SLC20A2: variants seen among roughly 807,000 people sequenced by gnomAD.
SLC20A2 encodes sodium-dependent phosphate transporter 2.
In SLC20A2, 30 loss-of-function variants were observed where a neutral mutation model predicts 61.0. That is an observed-to-expected ratio of 0.49 (90% CI 0.37 to 0.67). The LOEUF is 0.67. SLC20A2 is among the 30% of genes least tolerant of loss of function. The pLI, the probability that SLC20A2 is intolerant of heterozygous loss-of-function variation, is 0.00. For synonymous variants in SLC20A2, 351 were observed against 353.3 expected, an observed-to-expected ratio of 0.99 and a Z score of 0.07; for missense variants, 626 against 866.4, an observed-to-expected ratio of 0.72 and a Z score of 3.48.
At chr8:42,530,249 G>A (rs1409473402) in intron 1 of SLC20A2, among the ~76,000 whole-genome samples, 1 of 152,072 alleles carries the variant, frequency 6.6e-6, no homozygotes, top group African/African-American at 2.4e-5. Context: ...TCAAATCACT[G>A]TGCCATATTT....
At chr8:42,461,150 GTGGGAGTGTCACA>G (rs1806664085) in intron 4 of SLC20A2, among the ~76,000 whole-genome samples, 1 of 152,174 alleles carries the variant, frequency 6.6e-6, no homozygotes, top group South Asian at 2.1e-4. Flanking sequence ...AGACTCAAGT[GTGGGAGTGTCACA>G]CCAGACCAGG....
chr8:42,445,129 C>CA (rs1805110130), intron 5 of SLC20A2, among the ~76,000 whole-genome samples: 1 of 149,742 alleles, frequency 6.7e-6, no homozygotes, highest in Admixed American at 6.7e-5. Flanking sequence ...CCATCTCTAC[C>CA]AAAAATTCAA....
chr8:42,423,145 C>T (rs946488466), intron 10 of SLC20A2, among the ~76,000 whole-genome samples: 1 of 152,094 alleles, frequency 6.6e-6, no homozygotes, highest in African/African-American at 2.4e-5. Context: ...CACAGACACA[C>T]ACATTTGGTT....
chr8:42,510,952 G>C (rs1055795476), intron 1 of SLC20A2, among the ~76,000 whole-genome samples: 1 of 151,926 alleles, frequency 6.6e-6, no homozygotes, highest in East Asian at 1.9e-4. Context: ...TAATGATGAA[G>C]GAGAATTCCT....
Position 42,437,622 on chromosome 8 carries a change from TTTTTC to T in SLC20A2, c.935-50_935-46del. ...GTCTCATTTTCCAGTCTTTTTTTTTTTTTTCTTTTCTTTTTGAGACGGAGCCTTGC... is the reference window on the plus strand; with the variant it reads ...GTCTCATTTTCCAGTCTTTTTTTTTTTTTTCTTTTTGAGACGGAGCCTTGC... On this transcript the variant is annotated intron_variant, in intron 7 of 10. Transcript: ENST00000520262. This position sits in a 1 kb window ranked among gnomAD's most constrained non-coding sequence, Gnocchi z 6.4. 6.7e-7 allele frequency: 1 copy of T among 1,486,060 alleles called. No individual in the cohort carries two copies. The highest frequency in any genetic ancestry group is 9.0e-7 in the Non-Finnish European group (1 of 1,110,704). 92.1% of individuals were successfully genotyped at this position (1,486,060 alleles called of 1,614,324 possible).
intron 1 of SLC20A2, among the ~76,000 whole-genome samples, chr8:42,521,911 G>A (rs1166200476): frequency 8.2e-6 from 1 of 121,454 alleles, no homozygotes; most frequent in African/African-American, 2.5e-5. Flanking sequence ...AATAAGCTCT[G>A]TGGGTGACTC....
intron 5 of SLC20A2, among the ~76,000 whole-genome samples, chr8:42,447,367 A>T (rs1805292745): frequency 6.7e-6 from 1 of 149,390 alleles, no homozygotes; most frequent in Non-Finnish European, 1.5e-5. Context: ...AAAAATTAAC[A>T]TACTATAAAA....
At chr8:42,531,953 G>A (rs1168825299) in intron 1 of SLC20A2, among the ~76,000 whole-genome samples, 1 of 151,564 alleles carries the variant, frequency 6.6e-6, no homozygotes, top group African/African-American at 2.4e-5. Flanking sequence ...CGAGTAGCTG[G>A]GACTACAGGT....
chr8:42,439,454 T>C lies in SLC20A2; in HGVS notation c.930A>G (p.Ala310=). 5 of 1,613,234 alleles carry C rather than the reference T, an allele frequency of 3.1e-6. No homozygotes were observed. Among genetic ancestry groups the C allele is most frequent in the Middle Eastern group, 1.9e-4 (1 of 5,338 alleles). ...AGCTCTCCAGGCACATCTTACCGTA[T>C]GCAGCCCGAGGGTGGCTGCCCGCAG... ...GTSAGSHPRA[A]YGRALSMTHG... is the part of the protein sequence containing the mutation. Residue 310 remains alanine, a synonymous_variant, in exon 7 of 11, where the codon GCA becomes GCG. Transcript: ENST00000520262.
intron 5 of SLC20A2, among the ~76,000 whole-genome samples, chr8:42,453,665 A>C (rs1002429440): frequency 6.6e-6 from 1 of 152,228 alleles, no homozygotes; most frequent in Non-Finnish European, 1.5e-5. Flanking sequence ...TGGACATTCT[A>C]GAAACATTCC....
intron 1 of SLC20A2, among the ~76,000 whole-genome samples, chr8:42,488,831 G>A (rs1327914004): frequency 6.6e-6 from 1 of 151,338 alleles, no homozygotes; most frequent in Non-Finnish European, 1.5e-5. Context: ...TCACATGCTT[G>A]TTGGCCATGT....
chr8:42,438,075 A>AAAAAC (rs1804471371), intron 7 of SLC20A2, among the ~76,000 whole-genome samples: 1 of 144,340 alleles, frequency 6.9e-6, no homozygotes, highest in African/African-American at 2.7e-5. Context: ...AAAAAAAAAA[A>AAAAAC]AAAAAAAAAA....
intron 5 of SLC20A2, among the ~76,000 whole-genome samples, chr8:42,446,671 C>T (rs908580042): frequency 6.6e-6 from 1 of 152,152 alleles, no homozygotes; most frequent in Non-Finnish European, 1.5e-5. Flanking sequence ...ATCCACCTTT[C>T]CACATTCCCG....
At chr8:42,432,446 T>C (rs7836043) in intron 8 of SLC20A2, among the ~76,000 whole-genome samples, 10 of 152,210 alleles carry the variant, frequency 6.6e-5, no homozygotes, top group Non-Finnish European at 1.5e-4. Context: ...CTGGTGAAGA[T>C]GTTGTGAACA....
At chr8:42,465,083 A>C (rs1227549997) in intron 3 of SLC20A2, among the ~76,000 whole-genome samples, 1 of 151,586 alleles carries the variant, frequency 6.6e-6, no homozygotes, top group African/African-American at 2.4e-5. Flanking sequence ...TTTGAGACAG[A>C]GTCTTGCTTT....
chr8:42,454,406 C>G (rs1332810761), intron 5 of SLC20A2, among the ~76,000 whole-genome samples: 1 of 152,134 alleles, frequency 6.6e-6, no homozygotes, highest in Non-Finnish European at 1.5e-5. Context: ...GCCAGGTACC[C>G]CACCTTCATT....
At chr8:42,509,698 G>A (rs1181102359) in intron 1 of SLC20A2, among the ~76,000 whole-genome samples, 1 of 152,134 alleles carries the variant, frequency 6.6e-6, no homozygotes, top group Admixed American at 6.6e-5. Flanking sequence ...AGGCTGCAGT[G>A]AGTTATGATT....
At chr8:42,432,659 A>T (rs1012666460) in intron 8 of SLC20A2, among the ~76,000 whole-genome samples, 1 of 152,240 alleles carries the variant, frequency 6.6e-6, no homozygotes, top group African/African-American at 2.4e-5. Context: ...TCTTAATTTA[A>T]GAAATGGCCA....
intron 1 of SLC20A2, among the ~76,000 whole-genome samples, chr8:42,513,388 A>G (rs568518241): frequency 6.6e-6 from 1 of 152,156 alleles, no homozygotes; most frequent in East Asian, 1.9e-4. Flanking sequence ...ATATGACATG[A>G]CTTTATGCTG....
Sources: gnomAD v4.1 joint callset for allele counts (sites outside exome capture counted in the v4.1 genomes callset) on GRCh38, gnomAD v4.1.1 for gene constraint, Gnocchi (gnomAD v3.1) non-coding constraint, MANE v1.5 for transcripts, NCBI Gene and HGNC (gene_info 2026-07-23, HGNC 2026-07-21) for gene names.